The following IQCM variants were observed in gnomAD, a reference collection of about 807,000 sequenced individuals.
The protein encoded by IQCM is IQ motif containing M.
Under a neutral mutation model 57.6 loss-of-function variants are expected in IQCM, and 45 were observed. The observed-to-expected ratio is 0.78, with a 90% CI of 0.62 to 1.00. The LOEUF is 1.00. Among genes scored for constraint, IQCM ranks in the 50% least tolerant of loss-of-function variants. The pLI is 0.00. For missense variants in IQCM, 468 were observed against 511.6 expected (o/e 0.91, Z 0.82); for synonymous variants, 148 against 158.9 (o/e 0.93, Z 0.51).
rs71596216 is a variant in IQCM, at chr4:149,633,167, CAAAAAAA to C, written c.566-11930_566-11924del. ...TGGGCGACAGAGCGAGACTCCGTCT[CAAAAAAA>C]AAAAAAAAAAAAAAAAAAGCAAATA... On this transcript the variant is annotated intron_variant, in intron 7 of 13. Coordinates refer to ENST00000636793, the MANE Select transcript of IQCM (RefSeq NM_001363507.2). Among the ~76,000 whole-genome samples the C allele has an allele frequency of 0.01, 231 of 22,928 alleles. 3 individuals are homozygous for C. In the East Asian group the frequency reaches 0.17, roughly 17 times the overall value. The allele number at this position is 22,928 out of a possible 152,430, so 15.0% of individuals were successfully genotyped here. A position where few individuals can be genotyped will look rare whatever the true frequency, so the allele number is the denominator to read the frequency against.
chr4:149,672,475 C>T (rs898980527), intron 7 of IQCM, among the ~76,000 whole-genome samples: 35 of 152,082 alleles, frequency 2.3e-4, no homozygotes, highest in African/African-American at 5.8e-4. Flanking sequence ...AACTACGTGA[C>T]GCATGCGCAA....
At chr4:149,560,734 C>G in intron 10 of IQCM, among the ~76,000 whole-genome samples, 1 of 152,062 alleles carries the variant, frequency 6.6e-6, no homozygotes, top group East Asian at 1.9e-4. Flanking sequence ...CCAAATTTTT[C>G]ATAGGGAATG....
intron 5 of IQCM, among the ~76,000 whole-genome samples, chr4:149,695,117 CAT>C (rs1350427158): frequency 6.6e-6 from 1 of 152,138 alleles, no homozygotes; most frequent in Admixed American, 6.5e-5. Flanking sequence ...ATTTCAAGCA[CAT>C]GTGTGTTATA....
At chr4:149,623,442 A>G (rs950455353) in intron 7 of IQCM, among the ~76,000 whole-genome samples, 1 of 152,232 alleles carries the variant, frequency 6.6e-6, no homozygotes, top group African/African-American at 2.4e-5. Flanking sequence ...AAATATAGCT[A>G]TAACTTTTCC....
intron 5 of IQCM, among the ~76,000 whole-genome samples, chr4:149,730,588 C>A (rs764601089): frequency 2.6e-5 from 4 of 152,196 alleles, no homozygotes; most frequent in African/African-American, 9.6e-5. Flanking sequence ...GATCCACTGT[C>A]AGGTAGATGC....
chr4:149,465,856 G>A lies in IQCM; in HGVS notation c.1229-32299C>T, dbSNP rs181866118. Among the ~76,000 whole-genome samples, 25 of 152,210 alleles carry A rather than the reference G, an allele frequency of 1.6e-4. No homozygotes were observed. The East Asian group carries it at 4.5e-3, about 27-fold the overall frequency. On this transcript the variant is annotated intron_variant, in intron 12 of 13. Coordinates refer to ENST00000636793, the MANE Select transcript of IQCM (RefSeq NM_001363507.2). ...GGGAATGATTCCTAATGGCATGGTA[G>A]AGAACTGTCAGGTGGCACAGGGAGG...
intron 7 of IQCM, among the ~76,000 whole-genome samples, chr4:149,628,069 T>C (rs1275447356): frequency 6.6e-6 from 1 of 152,210 alleles, no homozygotes; most frequent in East Asian, 1.9e-4. Flanking sequence ...TTCAAACTTC[T>C]AGCCTCTACA....
At chr4:149,425,493 A>G (rs1004212425) in intron 13 of IQCM, among the ~76,000 whole-genome samples, 4 of 151,992 alleles carry the variant, frequency 2.6e-5, no homozygotes, top group Non-Finnish European at 4.4e-5. Context: ...GTTCAAGTCC[A>G]AAAGTCCAAG....
intron 2 of IQCM, among the ~76,000 whole-genome samples, chr4:149,785,833 A>T (rs1159484118): frequency 6.6e-6 from 1 of 151,470 alleles, no homozygotes; most frequent in Admixed American, 6.6e-5. Flanking sequence ...AAAAAAAAAA[A>T]ATCTTAGCCC....
In IQCM at chr4:149,503,600, A is replaced by G. The variant is rs577326607; in HGVS notation, c.1228+44855T>C. ...TTACATTATCTGAATGCTAAGATTCAGAATCTAGGATATAAGGTATTTTTC... is the reference window on the plus strand; with the variant it reads ...TTACATTATCTGAATGCTAAGATTCGGAATCTAGGATATAAGGTATTTTTC... On this transcript the variant is annotated intron_variant, in intron 12 of 13. Coordinates refer to ENST00000636793, the MANE Select transcript of IQCM (RefSeq NM_001363507.2). 1.4e-3 allele frequency among the ~76,000 whole-genome samples: 212 copies of G among 152,342 alleles called. 3 individuals are homozygous for G. Among genetic ancestry groups the G allele is most frequent in the Middle Eastern group, 0.01 (3 of 294 alleles).
chr4:149,607,771 C>G (rs999453965), intron 8 of IQCM, among the ~76,000 whole-genome samples: 2 of 151,650 alleles, frequency 1.3e-5, no homozygotes, highest in Non-Finnish European at 2.9e-5. Flanking sequence ...AAACAAAAAT[C>G]TATTTTAGAT....
chr4:149,511,050 C>T (rs1298693613), intron 12 of IQCM, among the ~76,000 whole-genome samples: 1 of 152,148 alleles, frequency 6.6e-6, no homozygotes, highest in Non-Finnish European at 1.5e-5. Flanking sequence ...GGAATAAAGG[C>T]CAGCCTCCTT....
At chr4:149,451,201 G>A (rs1737082196) in intron 12 of IQCM, among the ~76,000 whole-genome samples, 1 of 151,716 alleles carries the variant, frequency 6.6e-6, no homozygotes, top group African/African-American at 2.4e-5. Flanking sequence ...GGGAAGGGAA[G>A]GGTCAGGGGA....
chr4:149,764,583 C>G (rs1486590038), intron 2 of IQCM, among the ~76,000 whole-genome samples: 3 of 152,222 alleles, frequency 2.0e-5, no homozygotes, highest in East Asian at 3.9e-4. Context: ...TTGTATGACT[C>G]CCCTGCATAT....
intron 12 of IQCM, among the ~76,000 whole-genome samples, chr4:149,459,669 G>T (rs1020365774): frequency 6.6e-6 from 1 of 151,996 alleles, no homozygotes; most frequent in African/African-American, 2.4e-5. Flanking sequence ...GATTTTGACC[G>T]TTCTAAGTTC....
At chr4:149,671,186 C>T (rs1238774834) in intron 7 of IQCM, among the ~76,000 whole-genome samples, 4 of 152,080 alleles carry the variant, frequency 2.6e-5, no homozygotes. Context: ...TTCAGGGATT[C>T]AACTTCTTCC....
rs980683075 is a variant in IQCM at position 149,733,321 on chromosome 4, G to A, written c.308C>T (p.Pro103Leu). 9.0e-6 allele frequency: 11 copies of A among 1,219,386 alleles called. No homozygotes were observed. The highest frequency in any genetic ancestry group is 1.1e-5 in the Non-Finnish European group (11 of 986,694). The allele number at this position is 1,219,386 out of a possible 1,614,324, so 75.5% of individuals were successfully genotyped here. A position where few individuals can be genotyped will look rare whatever the true frequency, so the allele number is the denominator to read the frequency against. ...LSKSEHLQEP[P>L]QRISFKEPHI... ...TGGTTCCTTGAAGGAGATTCGTTGT[G>A]GGGGTTCCTGAAGATGCTCGCTTTT... The change falls in exon 5 of 14, where the codon CCA (proline) becomes CTA (leucine). Residue 103 changes from proline to leucine, a missense_variant. Coordinates refer to ENST00000636793, the MANE Select transcript of IQCM (RefSeq NM_001363507.2).
chr4:149,510,224 GGCTACT>G (rs1233555563), intron 12 of IQCM, among the ~76,000 whole-genome samples: 5 of 152,030 alleles, frequency 3.3e-5, no homozygotes, highest in Non-Finnish European at 7.4e-5. Flanking sequence ...GCATTTCTCT[GGCTACT>G]GGTAAGACTG....
chr4:149,536,581 G>C (rs1184306641), intron 12 of IQCM, among the ~76,000 whole-genome samples: 1 of 151,892 alleles, frequency 6.6e-6, no homozygotes, highest in African/African-American at 2.4e-5. Flanking sequence ...GAATGTCTAA[G>C]CATTTGTAAC....
Sources: gnomAD v4.1 joint callset for allele counts (sites outside exome capture counted in the v4.1 genomes callset) on GRCh38, gnomAD v4.1.1 for gene constraint, MANE v1.5 for transcripts, NCBI Gene and HGNC (gene_info 2026-07-23, HGNC 2026-07-21) for gene names.